The following RPF1 variants were observed in gnomAD, a reference collection of about 807,000 sequenced individuals.
RPF1 encodes the protein ribosome production factor 1.
In RPF1, 34 loss-of-function variants were observed where a neutral mutation model predicts 41.9. The observed-to-expected ratio is 0.81, with a 90% CI of 0.62 to 1.08. The LOEUF is 1.08. Among genes scored for constraint, RPF1 ranks in the 50% least tolerant of loss-of-function variants. The pLI is 0.00. For missense variants in RPF1, 425 were observed against 435.2 expected (o/e 0.98, Z 0.21); for synonymous variants, 140 against 148.9 (o/e 0.94, Z 0.43).
Position 84,480,956 on chromosome 1 carries a change from GA to G in RPF1, c.233del (p.Lys78SerfsTer39), listed in dbSNP as rs1171568181. On this transcript the variant is annotated frameshift_variant and splice_region_variant, in exon 2 of 9. Coordinates refer to ENST00000370654, the MANE Select transcript of RPF1 (RefSeq NM_025065.7). LOFTEE classifies it high-confidence loss of function. ...FTRWKQQQRK[E>X]KLAAKKKLKK... is the part of the protein sequence containing the mutation. ...GTTCTCTTTTTTTTTAACCCTTTAG[GA>G]AAAGTTGGCAGCTAAGAAAAAACTT... 2.6e-6 allele frequency: 4 copies of G among 1,554,204 alleles called. No homozygotes were observed. The highest frequency in any genetic ancestry group is 2.3e-5 in the East Asian group (1 of 44,336).
intron 4 of RPF1, among the ~76,000 whole-genome samples, 198 bp downstream of exon 4, chr1:84,489,926 A>G (rs1184421362): frequency 6.6e-6 from 1 of 152,218 alleles, no homozygotes; most frequent in African/African-American, 2.4e-5. Context: ...CTCAACCTCA[A>G]CATTGTTAAC....
At position 84,490,370 on chromosome 1, in the gene RPF1, G is replaced by A. The variant is rs1233746361; in HGVS notation, c.514G>A (p.Val172Ile). ...CTCCACAGTTATACCAAACTCACAT[G>A]TTTATTACAGAAGAGGACTGGCTCT... is the stretch of plus-strand genomic sequence containing the variant. ...QLSTVIPNSHVYYRRGLALKK... is the reference protein window; with the variant it reads ...QLSTVIPNSHIYYRRGLALKK... Residue 172 changes from valine to isoleucine, a missense_variant, in exon 5 of 9, where the codon GTT (valine) becomes ATT (isoleucine). Coordinates refer to ENST00000370654, the MANE Select transcript of RPF1 (RefSeq NM_025065.7). 1.2e-6 allele frequency: 2 copies of A among 1,611,542 alleles called. No individual in the cohort carries two copies. Among genetic ancestry groups the A allele is most frequent in the Non-Finnish European group, 1.7e-6 (2 of 1,178,888 alleles).
chr1:84,495,658 C>T (rs755044080), intron 6 of RPF1, among the ~76,000 whole-genome samples: 2 of 152,060 alleles, frequency 1.3e-5, no homozygotes, highest in Non-Finnish European at 2.9e-5. Flanking sequence ...CTATGAAGCA[C>T]GTTGATTTTC....
At chr1:84,492,179 T>A (rs1181446888) in intron 5 of RPF1, among the ~76,000 whole-genome samples, 1 of 151,768 alleles carries the variant, frequency 6.6e-6, no homozygotes, top group East Asian at 1.9e-4. Flanking sequence ...AAATGGTGAT[T>A]ATCCTAGAGA....
chr1:84,492,595 T>C (rs1274124363), intron 5 of RPF1, among the ~76,000 whole-genome samples: 2 of 152,166 alleles, frequency 1.3e-5, no homozygotes, highest in Admixed American at 6.5e-5. Flanking sequence ...AAATGTATTA[T>C]GTTTATAAAG....
chr1:84,497,266 T>C (rs1296411321), intron 8 of RPF1, among the ~76,000 whole-genome samples, 163 bp from the exon 9 acceptor site: 1 of 151,792 alleles, frequency 6.6e-6, no homozygotes, highest in Non-Finnish European at 1.5e-5. Flanking sequence ...ATCTTTTATA[T>C]TAGACCGAAG....
chr1:84,481,759 C>G, intron 2 of RPF1, among the ~76,000 whole-genome samples: 1 of 152,054 alleles, frequency 6.6e-6, no homozygotes, highest in South Asian at 2.1e-4. Context: ...TATAGTTACT[C>G]CTAGGTTGTG....
intron 5 of RPF1, among the ~76,000 whole-genome samples, chr1:84,492,011 A>C (rs143937775): frequency 0.017 from 2,647 of 152,260 alleles, 34 homozygotes; most frequent in Middle Eastern, 0.038. Context: ...AAATACAAAA[A>C]TTAGTTGGGC....
chr1:84,481,522 T>A (rs1362821123), intron 2 of RPF1, among the ~76,000 whole-genome samples: 1 of 152,150 alleles, frequency 6.6e-6, no homozygotes. Flanking sequence ...AAGGGTGTGT[T>A]AAGCTTTAGA....
At chr1:84,484,076 G>T (rs1255592114) in intron 3 of RPF1, among the ~76,000 whole-genome samples, 7 of 152,202 alleles carry the variant, frequency 4.6e-5, no homozygotes, top group African/African-American at 1.7e-4. Context: ...GTTAGCCAGT[G>T]ATAGCTTACT....
At position 84,490,739 on chromosome 1, in the gene RPF1, G is replaced by A. The variant is rs576298643; in HGVS notation, c.616+267G>A. Among the ~76,000 whole-genome samples, 4 of 152,286 alleles carry A rather than the reference G, an allele frequency of 2.6e-5. No homozygotes were observed. In the East Asian group the frequency reaches 7.7e-4, roughly 29 times the overall value. On this transcript the variant is annotated intron_variant, in intron 5 of 8. Transcript: ENST00000370654. ...CAAGAGACAACCAGGAAATTCATAG[G>A]TGGAGTAAATGGATATGTAAACTGA...
At position 84,483,559 on chromosome 1, in the gene RPF1, G is replaced by T. The variant is rs369484454; in HGVS notation, c.366+564G>T. Among the ~76,000 whole-genome samples the T allele has an allele frequency of 2.0e-5, 3 of 152,138 alleles. No individual in the cohort carries two copies. The South Asian group carries it at 6.2e-4, about 32-fold the overall frequency. ...TGGGATTACAGGCATGAGCCACTGC[G>T]CCTGGCCTGGTGGTTTTAAAAGAAT... is the stretch of plus-strand genomic sequence containing the variant. On this transcript the variant is annotated intron_variant, in intron 3 of 8. Coordinates refer to ENST00000370654, the MANE Select transcript of RPF1 (RefSeq NM_025065.7).
intron 5 of RPF1, among the ~76,000 whole-genome samples, chr1:84,492,878 G>A (rs312401): frequency 0.46 from 70,566 of 152,016 alleles, 18,269 homozygotes; most frequent in African/African-American, 0.7. Context: ...CTGTCAGCAG[G>A]GGGCTTAAGC....
chr1:84,489,648 G>A lies in RPF1; in HGVS notation c.382G>A (p.Ala128Thr). 6.2e-7 allele frequency: 1 copy of A among 1,601,202 alleles called. No individual in the cohort carries two copies. The highest frequency in any genetic ancestry group is 8.6e-7 in the Non-Finnish European group (1 of 1,168,482). ...CTGTTCTCAGGTCGCTTATGATGAAGCTACAGATGAATTTGCTTCTTACTT... is the reference window on the plus strand; with the variant it reads ...CTGTTCTCAGGTCGCTTATGATGAAACTACAGATGAATTTGCTTCTTACTT... Reference protein sequence around the residue: ...PNDEEVAYDEATDEFASYFNK... With the variant: ...PNDEEVAYDETTDEFASYFNK... Residue 128 changes from alanine (A) to threonine (T), a missense_variant, in exon 4 of 9, where the codon GCT becomes ACT. By Grantham distance (58) the Ala-to-Thr change is moderately conservative. Coordinates refer to ENST00000370654, the MANE Select transcript of RPF1 (RefSeq NM_025065.7).
At chr1:84,484,995 C>T (rs112941231) in intron 3 of RPF1, among the ~76,000 whole-genome samples, 8,853 of 152,152 alleles carry the variant, frequency 0.058, 408 homozygotes, top group African/African-American at 0.12. Context: ...TTTTGGATTC[C>T]GGGCTTTGGA....
At position 84,489,630 on chromosome 1, in the gene RPF1, C is replaced by T. The variant is rs757876304; in HGVS notation, c.367-3C>T. ...TAAAATTATTCCTCTTCTCTGTTCT[C>T]AGGTCGCTTATGATGAAGCTACAGA... is the stretch of plus-strand genomic sequence containing the variant. On this transcript the variant is annotated splice_polypyrimidine_tract_variant and splice_region_variant and intron_variant, in intron 3 of 8. Transcript: ENST00000370654. The T allele has an allele frequency of 4.5e-6, 7 of 1,552,984 alleles. No homozygotes were observed. Among genetic ancestry groups the T allele is most frequent in the Non-Finnish European group, 6.2e-6 (7 of 1,124,622 alleles).
At chr1:84,492,233 A>T (rs1034718176) in intron 5 of RPF1, among the ~76,000 whole-genome samples, 5 of 151,976 alleles carry the variant, frequency 3.3e-5, no homozygotes. Context: ...CCTAATGGTG[A>T]CACATGGGGG....
At chr1:84,489,796 G>A in intron 4 of RPF1, 68 bp downstream of exon 4, 3 of 867,742 alleles carry the variant, frequency 3.5e-6, no homozygotes, top group South Asian at 1.4e-5. Flanking sequence ...AAAGTACTCT[G>A]TTCAGAAGAG....
intron 1 of RPF1, 55 bp downstream of exon 1, chr1:84,479,564 GCGGT>G: frequency 3.3e-6 from 5 of 1,537,808 alleles, no homozygotes; most frequent in Non-Finnish European, 4.5e-6. Context: ...GACGCTTAGG[GCGGT>G]CGCGGGGCGC....
Sources: allele counts gnomAD v4.1 joint callset (sites outside exome capture counted in the v4.1 genomes callset), GRCh38; gene constraint gnomAD v4.1.1; transcripts MANE v1.5; gene names NCBI Gene and HGNC (gene_info 2026-07-23, HGNC 2026-07-21).